Variants in RBFOX1 observed in about 807,000 individuals in gnomAD.
RBFOX1 encodes RNA binding protein fox-1 homolog 1.
RBFOX1 carries 8 observed loss-of-function variants against 57.7 expected under a neutral mutation model. The observed-to-expected ratio is 0.14, with a 90% CI of 0.08 to 0.25. RBFOX1 has a LOEUF of 0.25. Ranked by LOEUF, RBFOX1 falls within the 10% of genes least tolerant of loss-of-function variation. RBFOX1 has a pLI of 1.00. For missense variants in RBFOX1, 611 were observed against 548.5 expected, an observed-to-expected ratio of 1.11 and a Z score of -1.14; for synonymous variants, 326 against 222.4, an observed-to-expected ratio of 1.47 and a Z score of -4.15.
intron 3 of RBFOX1, among the ~76,000 whole-genome samples, chr16:6,939,901 C>G (rs886296610): frequency 2.6e-5 from 4 of 152,084 alleles, no homozygotes; most frequent in Admixed American, 1.3e-4. Context: ...CAATTTCACT[C>G]CATAAATGCA....
chr16:7,044,776 C>A (rs576279602), intron 3 of RBFOX1, among the ~76,000 whole-genome samples: 4 of 152,238 alleles, frequency 2.6e-5, no homozygotes, highest in African/African-American at 9.6e-5. Context: ...TTTTTCAAGG[C>A]TAGCTTTTAA....
At chr16:5,433,173 G>A (rs1030128510) in intron 1 of RBFOX1, among the ~76,000 whole-genome samples, 1 of 152,192 alleles carries the variant, frequency 6.6e-6, no homozygotes, top group Non-Finnish European at 1.5e-5. Context: ...GTGAGCCGCT[G>A]TGCGTGGCTG....
chr16:6,677,393 A>T (rs1359124487), intron 3 of RBFOX1, among the ~76,000 whole-genome samples: 2 of 152,198 alleles, frequency 1.3e-5, no homozygotes, highest in East Asian at 1.9e-4. Context: ...ATATGTTTCT[A>T]TGGAGACTGG....
Position 6,830,470 on chromosome 16 carries a change from G to A in RBFOX1, c.-16+175820G>A, listed in dbSNP as rs117998877. Among the ~76,000 whole-genome samples the A allele has an allele frequency of 6.3e-3, 958 of 152,226 alleles. 9 individuals are homozygous for A. The highest frequency in any genetic ancestry group is 0.023 in the South Asian group (109 of 4,812). On this transcript the variant is annotated intron_variant, in intron 3 of 15. Transcript: ENST00000550418. ...GAGGAAGACCTTAGAAAAATAAGCA[G>A]GATAAAAGCATCCTCTATGCCAGGA... is the stretch of plus-strand genomic sequence containing the variant.
chr16:5,398,290 T>G (rs1198821647), intron 1 of RBFOX1, among the ~76,000 whole-genome samples: 1 of 151,962 alleles, frequency 6.6e-6, no homozygotes, highest in Non-Finnish European at 1.5e-5. Context: ...TGTGTGCATG[T>G]GTGCTTATGT....
At chr16:6,786,306 A>C (rs1026874834) in intron 3 of RBFOX1, among the ~76,000 whole-genome samples, 1 of 152,056 alleles carries the variant, frequency 6.6e-6, no homozygotes, top group African/African-American at 2.4e-5. Context: ...CACTTGTTAT[A>C]ATTCTTCCCA....
intron 2 of RBFOX1, among the ~76,000 whole-genome samples, chr16:5,570,444 C>T (rs2046241983): frequency 6.6e-6 from 1 of 152,058 alleles, no homozygotes; most frequent in Admixed American, 6.5e-5. Flanking sequence ...TGCTTAGGTC[C>T]CTGGCAAGCA....
At chr16:6,828,900 G>A (rs1056288995) in intron 3 of RBFOX1, among the ~76,000 whole-genome samples, 1 of 152,100 alleles carries the variant, frequency 6.6e-6, no homozygotes, top group Non-Finnish European at 1.5e-5. Context: ...AAAGGTAGCA[G>A]CCCCAAATCC....
chr16:7,391,992 C>G (rs992048886), intron 4 of RBFOX1, among the ~76,000 whole-genome samples: 1 of 152,210 alleles, frequency 6.6e-6, no homozygotes, highest in Admixed American at 6.5e-5. Flanking sequence ...TACAAGCTCT[C>G]TCTGTCTTCC....
intron 4 of RBFOX1, among the ~76,000 whole-genome samples, chr16:5,949,997 A>G (rs1048988214): frequency 7.9e-5 from 12 of 152,354 alleles, no homozygotes; most frequent in Non-Finnish European, 8.8e-5. Context: ...TGATGTGGCC[A>G]TCATTCAGCA....
intron 1 of RBFOX1, among the ~76,000 whole-genome samples, chr16:6,192,188 C>T (rs544749263): frequency 1.6e-4 from 24 of 152,124 alleles, no homozygotes; most frequent in South Asian, 6.2e-4. Flanking sequence ...TGCTATTTAA[C>T]GCAGCGAGAT....
chr16:6,162,397 G>T (rs930255508), intron 1 of RBFOX1, among the ~76,000 whole-genome samples: 3 of 152,174 alleles, frequency 2.0e-5, no homozygotes, highest in African/African-American at 7.2e-5. Context: ...TTACTGTCGT[G>T]AGCCACTGCA....
At chr16:6,914,164 T>C (rs1306037842) in intron 3 of RBFOX1, among the ~76,000 whole-genome samples, 1 of 152,214 alleles carries the variant, frequency 6.6e-6, no homozygotes, top group Non-Finnish European at 1.5e-5. Flanking sequence ...AGTGCATTTC[T>C]GATTTCAGAC....
At chr16:6,448,255 G>T (rs182245946) in intron 2 of RBFOX1, among the ~76,000 whole-genome samples, 1 of 140,494 alleles carries the variant, frequency 7.1e-6, no homozygotes, top group Non-Finnish European at 1.5e-5. Flanking sequence ...CCCCTCCTGG[G>T]TTCAAGCAAT....
At chr16:6,594,097 C>G (rs1417241735) in intron 2 of RBFOX1, among the ~76,000 whole-genome samples, 2 of 152,124 alleles carry the variant, frequency 1.3e-5, no homozygotes, top group Non-Finnish European at 2.9e-5. Flanking sequence ...AAAATGTGTC[C>G]TCATCATGTT....
chr16:6,077,301 C>G (rs1460730799), intron 1 of RBFOX1, among the ~76,000 whole-genome samples: 2 of 139,930 alleles, frequency 1.4e-5, no homozygotes, highest in African/African-American at 2.6e-5. Context: ...ACATATGGAG[C>G]ATTTCTTGCT....
At chr16:6,370,486 C>G (rs1325814222) in intron 2 of RBFOX1, among the ~76,000 whole-genome samples, 1 of 148,374 alleles carries the variant, frequency 6.7e-6, no homozygotes, top group East Asian at 2.0e-4. Flanking sequence ...TCAGCTGCTA[C>G]AAAAAAGCAC....
rs866853374 is a variant in RBFOX1, at chr16:6,780,425, T to G, written c.-16+125775T>G. Among the ~76,000 whole-genome samples the G allele has an allele frequency of 2.0e-4, 22 of 108,928 alleles. 1 individual carries two copies. The highest frequency in any genetic ancestry group is 3.5e-4 in the Non-Finnish European group (21 of 60,158). 71.5% of individuals were successfully genotyped at this position (108,928 alleles called of 152,430 possible). Reference sequence around the variant, plus strand: ...TTATATATATTTATATATATTTATATATATTTATAGATATATTTATATATA... The same window carrying G: ...TTATATATATTTATATATATTTATAGATATTTATAGATATATTTATATATA... On this transcript the variant is annotated intron_variant, in intron 3 of 15. Coordinates refer to ENST00000550418, the MANE Select transcript of RBFOX1 (RefSeq NM_018723.4).
intron 4 of RBFOX1, chr16:7,333,199 G>T: frequency 1.0e-6 from 1 of 978,022 alleles, no homozygotes; most frequent in South Asian, 1.4e-5. Flanking sequence ...AAAAGCCCTC[G>T]CGTAGTCAGT....
Sources: allele counts gnomAD v4.1 joint callset (sites outside exome capture counted in the v4.1 genomes callset), GRCh38; gene constraint gnomAD v4.1.1; transcripts MANE v1.5; gene names NCBI Gene and HGNC (gene_info 2026-07-23, HGNC 2026-07-21).